EPHA5: variants seen among roughly 807,000 people sequenced by gnomAD.
EPHA5 encodes ephrin type-A receptor 5.
Under a neutral mutation model 105.0 loss-of-function variants are expected in EPHA5, and 60 were observed. That is an observed-to-expected ratio of 0.57 (90% CI 0.46 to 0.71). EPHA5 has a LOEUF of 0.71. Among genes scored for constraint, EPHA5 ranks in the 30% least tolerant of loss-of-function variants. The pLI is 0.00. For missense variants in EPHA5, 1,218 were observed against 1,274.7 expected, an observed-to-expected ratio of 0.96 and a Z score of 0.68; for synonymous variants, 513 against 449.1, an observed-to-expected ratio of 1.14 and a Z score of -1.80.
rs1722820508 is a variant in EPHA5, at chr4:65,351,592, C to T, written c.2242G>A (p.Asp748Asn). ...GSLDTFLKKN[D>N]GQFTVIQLVG... ...AGCTGAATCACAGTGAACTGCCCAT[C>T]GTTTTTCTGTAAAGACAATGTAGAA... Residue 748 changes from aspartate (D) to asparagine (N), a missense_variant, in exon 13 of 17, where the codon GAT becomes AAT. By Grantham distance (23) the Asp-to-Asn change is conservative (BLOSUM62 1). This residue lies in a region of EPHA5 where 971 missense variants were observed against 1,013.5 expected (regional missense o/e 0.96). Transcript: ENST00000613740. 3 of 1,613,156 alleles carry T rather than the reference C, an allele frequency of 1.9e-6. No individual in the cohort carries two copies. The highest frequency in any genetic ancestry group is 2.7e-5 in the African/African-American group (2 of 74,840).
intron 3 of EPHA5, among the ~76,000 whole-genome samples, chr4:65,529,146 T>G (rs146424274): frequency 1.3e-5 from 2 of 152,080 alleles, no homozygotes; most frequent in Non-Finnish European, 2.9e-5. Context: ...TAAACGCAAT[T>G]CAAAGAATAT....
chr4:65,536,070 T>G (rs1736252235), intron 3 of EPHA5, among the ~76,000 whole-genome samples: 1 of 152,034 alleles, frequency 6.6e-6, no homozygotes, highest in African/African-American at 2.4e-5. Context: ...AAATATTACC[T>G]TCATGTTTTT....
chr4:65,666,253 C>A (rs1160936622), intron 1 of EPHA5, among the ~76,000 whole-genome samples: 1 of 152,138 alleles, frequency 6.6e-6, no homozygotes, highest in Non-Finnish European at 1.5e-5. Flanking sequence ...CTTTTTAAAT[C>A]CAAACTGCTG....
chr4:65,383,049 TTA>T (rs1440535843), intron 8 of EPHA5, among the ~76,000 whole-genome samples: 1 of 149,108 alleles, frequency 6.7e-6, no homozygotes, highest in Non-Finnish European at 1.5e-5. Context: ...TATATATACA[TTA>T]TATATATGTA....
intron 5 of EPHA5, among the ~76,000 whole-genome samples, chr4:65,482,469 TTC>T (rs1284095476): frequency 6.6e-6 from 1 of 152,146 alleles, no homozygotes; most frequent in Non-Finnish European, 1.5e-5. Flanking sequence ...TGAAGCTACA[TTC>T]AAGTGATTTC....
chr4:65,457,825 A>G (rs1727745921), intron 5 of EPHA5, among the ~76,000 whole-genome samples: 1 of 152,070 alleles, frequency 6.6e-6, no homozygotes, highest in Admixed American at 6.6e-5. Flanking sequence ...TATAACATAT[A>G]AATGTATGCT....
chr4:65,580,071 A>C (rs1390770900), intron 3 of EPHA5, among the ~76,000 whole-genome samples: 1 of 151,954 alleles, frequency 6.6e-6, no homozygotes, highest in Non-Finnish European at 1.5e-5. Flanking sequence ...CTTAATTTTC[A>C]AGAACGAGAC....
intron 3 of EPHA5, among the ~76,000 whole-genome samples, chr4:65,511,171 C>A (rs957604688): frequency 3.3e-5 from 5 of 152,140 alleles, no homozygotes; most frequent in Admixed American, 1.3e-4. Context: ...AGCCACCCAG[C>A]CTGTGGTTAT....
In EPHA5 at chr4:65,474,517, A is replaced by C. The variant is rs577975225; in HGVS notation, c.1402+15860T>G. 3.9e-5 allele frequency among the ~76,000 whole-genome samples: 6 copies of C among 152,302 alleles called. 1 individual carries two copies. In the South Asian group the frequency reaches 1.2e-3, roughly 32 times the overall value. On this transcript the variant is annotated intron_variant, in intron 5 of 16. Coordinates refer to ENST00000613740, the MANE Select transcript of EPHA5 (RefSeq NM_001281766.3). ...ATCCTCAGGCCTTCTAGGCTTGAAGAGTCAATAAACTATCCTCTATTTTCT... is the reference window on the plus strand; with the variant it reads ...ATCCTCAGGCCTTCTAGGCTTGAAGCGTCAATAAACTATCCTCTATTTTCT...
At chr4:65,534,105 G>C (rs986709199) in intron 3 of EPHA5, among the ~76,000 whole-genome samples, 1 of 152,140 alleles carries the variant, frequency 6.6e-6, no homozygotes, top group African/African-American at 2.4e-5. Flanking sequence ...GCCCAAACAT[G>C]TTAAATTTAC....
At chr4:65,523,835 A>G (rs1734989676) in intron 3 of EPHA5, among the ~76,000 whole-genome samples, 1 of 151,930 alleles carries the variant, frequency 6.6e-6, no homozygotes, top group Non-Finnish European at 1.5e-5. Context: ...TTCAGGTTCA[A>G]AGGATTTCTT....
chr4:65,443,006 A>G (rs1477247482), intron 5 of EPHA5, among the ~76,000 whole-genome samples: 1 of 152,144 alleles, frequency 6.6e-6, no homozygotes, highest in Non-Finnish European at 1.5e-5. Flanking sequence ...TAAAGTCGCT[A>G]TTTGAACAAA....
intron 5 of EPHA5, among the ~76,000 whole-genome samples, chr4:65,455,112 A>G (rs927639428): frequency 6.6e-6 from 1 of 152,056 alleles, no homozygotes; most frequent in Non-Finnish European, 1.5e-5. Flanking sequence ...GGGCGCCTGG[A>G]GTCCCAGCTA....
intron 7 of EPHA5, among the ~76,000 whole-genome samples, chr4:65,409,081 A>C (rs1184927535): frequency 6.9e-6 from 1 of 144,790 alleles, no homozygotes; most frequent in African/African-American, 2.5e-5. Flanking sequence ...TCAGTAAACT[A>C]TCACAAGAAC....
intron 3 of EPHA5, among the ~76,000 whole-genome samples, chr4:65,592,839 C>T (rs765630406): frequency 6.6e-6 from 1 of 152,132 alleles, no homozygotes; most frequent in African/African-American, 2.4e-5. Flanking sequence ...CCGACAACAA[C>T]GCTGCTTAAA....
At chr4:65,570,531 T>A (rs1740020351) in intron 3 of EPHA5, among the ~76,000 whole-genome samples, 1 of 151,778 alleles carries the variant, frequency 6.6e-6, no homozygotes, top group Admixed American at 6.6e-5. Context: ...ATTGATTTAA[T>A]ATCTTAGTCA....
At chr4:65,522,304 GTATATATATATGTATATA>G (rs1181586337) in intron 3 of EPHA5, among the ~76,000 whole-genome samples, 8 of 101,806 alleles carry the variant, frequency 7.9e-5, no homozygotes, top group Admixed American at 2.3e-4. Context: ...ATATGTGTGT[GTATATATATATGTATATA>G]TATATATATA....
chr4:65,650,297 C>A (rs1748478230), intron 1 of EPHA5, among the ~76,000 whole-genome samples: 1 of 151,284 alleles, frequency 6.6e-6, no homozygotes, highest in Non-Finnish European at 1.5e-5. Flanking sequence ...CCTGTGATCC[C>A]AGCACTTTGG....
Position 65,321,516 on chromosome 4 carries a change from C to G in EPHA5, c.*2598G>C, listed in dbSNP as rs577456644. ...TTTAGGGAGAGTACTTGTTGTTTGACAGTCTCTTTATTCATTCTAAAGTCA... is the reference window on the plus strand; with the variant it reads ...TTTAGGGAGAGTACTTGTTGTTTGAGAGTCTCTTTATTCATTCTAAAGTCA... On this transcript the variant is annotated 3_prime_UTR_variant, in exon 17 of 17. Transcript: ENST00000613740. 3.1e-5 allele frequency: 7 copies of G among 228,882 alleles called. No individual in the cohort carries two copies. Among genetic ancestry groups the G allele is most frequent in the Non-Finnish European group, 6.1e-5 (7 of 115,306 alleles). The allele number at this position is 228,882 out of a possible 1,614,324, so 14.2% of individuals were successfully genotyped here.
Sources: allele counts gnomAD v4.1 joint callset (sites outside exome capture counted in the v4.1 genomes callset), GRCh38; gene constraint gnomAD v4.1.1; regional missense constraint gnomAD v4.1.1; transcripts MANE v1.5; gene names NCBI Gene and HGNC (gene_info 2026-07-23, HGNC 2026-07-21).